Variants in RBFOX3 observed in about 807,000 individuals in gnomAD.
The protein encoded by RBFOX3 is RNA binding fox-1 homolog 3, also known as RNA binding protein fox-1 homolog 3.
RBFOX3 carries 17 observed loss-of-function variants against 48.7 expected under a neutral mutation model. The observed-to-expected ratio is 0.35, with a 90% confidence interval of 0.24 to 0.52. The LOEUF (loss-of-function observed/expected upper bound fraction) is 0.52, where lower values mean the gene tolerates loss of function less well. Among genes scored for constraint, RBFOX3 ranks in the 20% least tolerant of loss-of-function variants. The probability of loss-of-function intolerance (pLI) is 0.94; values close to 1 mark genes in which losing one functional copy is unlikely to be tolerated. For synonymous variants in RBFOX3, 212 were observed against 209.5 expected (o/e 1.01, Z -0.10); for missense variants, 382 against 497.5 (o/e 0.77, Z 2.21).
chr17:79,594,248 G>A (rs1175000938), intron 1 of RBFOX3, among the ~76,000 whole-genome samples: 3 of 152,162 alleles, frequency 2.0e-5, no homozygotes, highest in Non-Finnish European at 4.4e-5. Flanking sequence ...AAACTTTCGA[G>A]ACTGAGGGGT....
At chr17:79,465,886 T>C (rs2076243888) in intron 2 of RBFOX3, among the ~76,000 whole-genome samples, 1 of 152,110 alleles carries the variant, frequency 6.6e-6, no homozygotes, top group South Asian at 2.1e-4. Flanking sequence ...TCTCTACGCC[T>C]CCACAAAGCC....
intron 1 of RBFOX3, among the ~76,000 whole-genome samples, chr17:79,546,794 C>T (rs528897118): frequency 3.4e-4 from 51 of 151,880 alleles, no homozygotes; most frequent in African/African-American, 6.5e-4. Context: ...CTTAGCCTCC[C>T]GAGTAGCTGG....
chr17:79,147,288 C>T (rs1310815509), intron 4 of RBFOX3, among the ~76,000 whole-genome samples: 3 of 152,226 alleles, frequency 2.0e-5, no homozygotes, highest in East Asian at 1.9e-4. Context: ...TGCAGGTGGC[C>T]GGGAGGACAG....
intron 4 of RBFOX3, among the ~76,000 whole-genome samples, chr17:79,209,109 A>G (rs1599998748): frequency 2.0e-5 from 3 of 151,436 alleles, no homozygotes; most frequent in East Asian, 3.9e-4. Flanking sequence ...GTGAGCCACC[A>G]CGCCCGGCCC....
intron 1 of RBFOX3, among the ~76,000 whole-genome samples, chr17:79,547,120 T>G (rs1314457536): frequency 1.3e-5 from 2 of 152,034 alleles, no homozygotes; most frequent in African/African-American, 2.4e-5. Context: ...GGCACCTGAG[T>G]CTGCCCTGGG....
Position 79,090,419 on chromosome 17 carries a change from G to C in RBFOX3, c.*464C>G, listed in dbSNP as rs1464699537. The C allele has an allele frequency of 6.3e-6, 1 of 158,686 alleles. No individual in the cohort carries two copies. The highest frequency in any genetic ancestry group is 2.4e-5 in the African/African-American group (1 of 41,650). 9.8% of individuals were successfully genotyped at this position (158,686 alleles called of 1,614,324 possible). A position where few individuals can be genotyped will look rare whatever the true frequency, so the allele number is the denominator to read the frequency against. On this transcript the variant is annotated 3_prime_UTR_variant, in exon 15 of 15. Transcript: ENST00000693108. The stretch of plus-strand genomic sequence containing the variant: ...TCAGCCCCGCCGGCCCCCTGGCACA[G>C]CTGGCCACAAAGATCAAGTCTTGCT...
intron 1 of RBFOX3, among the ~76,000 whole-genome samples, chr17:79,506,633 C>T (rs1039235985): frequency 2.0e-5 from 3 of 152,312 alleles, no homozygotes; most frequent in Non-Finnish European, 4.4e-5. Flanking sequence ...AGCCAATTGC[C>T]GCGGCCAGGC....
chr17:79,101,740 G>T, intron 8 of RBFOX3, 96 bp from the exon 9 acceptor site: 3 of 1,090,904 alleles, frequency 2.8e-6, no homozygotes, highest in South Asian at 1.3e-5. Context: ...TTAGCCCCCG[G>T]CACCCCCCGC....
intron 4 of RBFOX3, among the ~76,000 whole-genome samples, chr17:79,179,014 C>T (rs72856458): frequency 0.12 from 17,637 of 152,128 alleles, 1,139 homozygotes; most frequent in Non-Finnish European, 0.15. Context: ...TGCTGACCCG[C>T]GAGCCAGCGT....
intron 4 of RBFOX3, among the ~76,000 whole-genome samples, chr17:79,200,915 C>T (rs770532226): frequency 1.3e-5 from 2 of 152,030 alleles, no homozygotes; most frequent in Non-Finnish European, 2.9e-5. Context: ...TCTCTGTGTG[C>T]GGCGGGCAGC....
intron 3 of RBFOX3, among the ~76,000 whole-genome samples, chr17:79,282,612 G>A (rs1290778535): frequency 2.0e-5 from 3 of 152,228 alleles, no homozygotes; most frequent in Non-Finnish European, 4.4e-5. Flanking sequence ...TGTGGCTGCA[G>A]GGCCGGCCGC....
At chr17:79,403,516 C>A (rs2063090505) in intron 2 of RBFOX3, among the ~76,000 whole-genome samples, 1 of 152,232 alleles carries the variant, frequency 6.6e-6, no homozygotes, top group African/African-American at 2.4e-5. Context: ...TGGACTTCCA[C>A]CCCCGTCAGC....
At chr17:79,134,881 C>T (rs1028844774) in intron 4 of RBFOX3, among the ~76,000 whole-genome samples, 6 of 152,078 alleles carry the variant, frequency 3.9e-5, no homozygotes, top group Admixed American at 1.3e-4. Context: ...AAGAGCACGG[C>T]GGGGCTGGCT....
intron 2 of RBFOX3, among the ~76,000 whole-genome samples, chr17:79,320,663 G>A (rs1320673293): frequency 6.6e-6 from 1 of 151,936 alleles, no homozygotes; most frequent in African/African-American, 2.4e-5. Context: ...TGTTTGGAGA[G>A]TGGCTGCTCA....
At chr17:79,098,079 G>T in intron 9 of RBFOX3, 1 of 317,084 alleles carries the variant, frequency 3.2e-6, no homozygotes, top group Non-Finnish European at 6.0e-6. Context: ...GAGAGGGAAA[G>T]TGGAACTTGT....
Position 79,136,675 on chromosome 17 carries a change from C to T in RBFOX3, c.-33-20927G>A, listed in dbSNP as rs1272308431. 3.3e-5 allele frequency among the ~76,000 whole-genome samples: 5 copies of T among 152,272 alleles called. No individual in the cohort carries two copies. In the South Asian group the frequency reaches 1.0e-3, roughly 32 times the overall value. The stretch of plus-strand genomic sequence containing the variant: ...GGAAGGTGCTGGGAAGCACCGGGAA[C>T]CTGCTGATCCTCACCCGGAACCGAG... On this transcript the variant is annotated intron_variant, in intron 4 of 14. Transcript: ENST00000693108.
At chr17:79,248,635 C>T (rs1452206247) in intron 3 of RBFOX3, among the ~76,000 whole-genome samples, 3 of 152,252 alleles carry the variant, frequency 2.0e-5, no homozygotes, top group African/African-American at 4.8e-5. Flanking sequence ...TGGGCCTGTG[C>T]TTGGTGTCCC....
chr17:79,630,300 C>T, the RBFOX3 span, among the ~76,000 whole-genome samples: 9 of 152,348 alleles, frequency 5.9e-5, no homozygotes, highest in Admixed American at 1.3e-4. Context: ...GCAGCACCTC[C>T]GTGCCCAGAC....
At chr17:79,159,488 C>A (rs1212572997) in intron 4 of RBFOX3, among the ~76,000 whole-genome samples, 1 of 152,202 alleles carries the variant, frequency 6.6e-6, no homozygotes, top group South Asian at 2.1e-4. Flanking sequence ...CCACACGCAT[C>A]TGTGGCAGGC....
Sources: allele counts gnomAD v4.1 joint callset (sites outside exome capture counted in the v4.1 genomes callset), GRCh38; gene constraint gnomAD v4.1.1; transcripts MANE v1.5; gene names NCBI Gene and HGNC (gene_info 2026-07-23, HGNC 2026-07-21).